LARGE1: variants seen among roughly 807,000 people sequenced by gnomAD.
LARGE1 encodes the protein xylosyl- and glucuronyltransferase LARGE1.
In LARGE1, 43 loss-of-function variants were observed where a neutral mutation model predicts 87.6. The observed-to-expected ratio is 0.49, with a 90% confidence interval of 0.38 to 0.63. The LOEUF (loss-of-function observed/expected upper bound fraction) is 0.63. LARGE1 is among the 30% of genes least tolerant of loss of function. LARGE1 has a pLI of 0.00. For synonymous variants in LARGE1, 434 were observed against 394.6 expected (o/e 1.10, Z -1.18); for missense variants, 802 against 1,000.2 (o/e 0.80, Z 2.67).
At chr22:33,127,571 C>A in the LARGE1 span, among the ~76,000 whole-genome samples, 3 of 152,184 alleles carry the variant, frequency 2.0e-5, no homozygotes, top group African/African-American at 7.2e-5. Flanking sequence ...ATCTCTAGTT[C>A]TTTCTCATAT....
intron 11 of LARGE1, among the ~76,000 whole-genome samples, chr22:33,243,041 GAC>G (rs1328783135): frequency 1.3e-5 from 2 of 152,114 alleles, no homozygotes; most frequent in Non-Finnish European, 2.9e-5. Context: ...TCTCCAGGAT[GAC>G]CTCATCTAAA....
intron 1 of LARGE1, among the ~76,000 whole-genome samples, chr22:33,779,366 A>C (rs1392972721): frequency 6.6e-6 from 1 of 151,990 alleles, no homozygotes; most frequent in Non-Finnish European, 1.5e-5. Flanking sequence ...TAGGTTAAAT[A>C]ATATGCCATA....
At chr22:33,591,824 T>C (rs367823916) in intron 5 of LARGE1, among the ~76,000 whole-genome samples, 8 of 143,288 alleles carry the variant, frequency 5.6e-5, no homozygotes, top group African/African-American at 1.0e-4. Context: ...ACGGGCAATA[T>C]AGCAAGACCC....
At chr22:33,339,893 TG>T (rs1938953113) in intron 9 of LARGE1, among the ~76,000 whole-genome samples, 1 of 152,172 alleles carries the variant, frequency 6.6e-6, no homozygotes, top group African/African-American at 2.4e-5. Flanking sequence ...CTCAAACTCC[TG>T]GGCTCAAGTG....
chr22:33,823,859 C>A (rs965509046), intron 1 of LARGE1, among the ~76,000 whole-genome samples: 2 of 152,150 alleles, frequency 1.3e-5, no homozygotes, highest in African/African-American at 4.8e-5. Flanking sequence ...GGGCACGTCT[C>A]GATACAGGGC....
chr22:33,645,336 A>C (rs2080574175), intron 3 of LARGE1, among the ~76,000 whole-genome samples: 1 of 152,258 alleles, frequency 6.6e-6, no homozygotes, highest in African/African-American at 2.4e-5. Flanking sequence ...AAAACAAGAA[A>C]TAGGGAAAGG....
Position 33,585,065 on chromosome 22 carries a change from C to T in LARGE1, c.615+19370G>A, listed in dbSNP as rs147176816. Among the ~76,000 whole-genome samples, 182 of 152,100 alleles carry T rather than the reference C, an allele frequency of 1.2e-3. 3 individuals carry two copies. The East Asian group carries it at 0.027, about 23-fold the overall frequency. ...CTGGGAGGTGGAGGTTGCAGTGAGC[C>T]GAGATCGCACCACTGCATTCCAGCC... On this transcript the variant is annotated intron_variant, in intron 5 of 14. Coordinates refer to ENST00000397394, the MANE Select transcript of LARGE1 (RefSeq NM_133642.5).
intron 6 of LARGE1, among the ~76,000 whole-genome samples, chr22:33,519,998 CTTTTTTTTT>C (rs397868082): frequency 1.9e-3 from 183 of 97,224 alleles, no homozygotes; most frequent in Middle Eastern, 7.5e-3. Context: ...TGGTTTTTCT[CTTTTTTTTT>C]TTTTTTTTTT....
At chr22:33,128,911 C>T in the LARGE1 span, among the ~76,000 whole-genome samples, 1 of 151,964 alleles carries the variant, frequency 6.6e-6, no homozygotes, top group Non-Finnish European at 1.5e-5. Flanking sequence ...CACATGGATA[C>T]AGAGAGGGGA....
intron 3 of LARGE1, among the ~76,000 whole-genome samples, chr22:33,626,774 T>C (rs577014662): frequency 6.6e-6 from 1 of 152,268 alleles, no homozygotes; most frequent in South Asian, 2.1e-4. Flanking sequence ...GTCAACCTAA[T>C]AAAAGGGCCA....
chr22:33,629,018 T>C (rs1385130533), intron 3 of LARGE1, among the ~76,000 whole-genome samples: 1 of 152,058 alleles, frequency 6.6e-6, no homozygotes, highest in Non-Finnish European at 1.5e-5. Flanking sequence ...GGGAGCAAAA[T>C]GAAGCAAAAT....
chr22:33,342,502 G>A (rs1409811190), intron 9 of LARGE1, among the ~76,000 whole-genome samples: 1 of 152,174 alleles, frequency 6.6e-6, no homozygotes, highest in Non-Finnish European at 1.5e-5. Context: ...GCTGAGACTG[G>A]AAGTCAACTC....
chr22:33,816,829 C>T (rs975468462), intron 1 of LARGE1, among the ~76,000 whole-genome samples: 13 of 152,062 alleles, frequency 8.5e-5, no homozygotes, highest in African/African-American at 2.4e-4. Context: ...CTTTTCACAA[C>T]GCAGTGTTCA....
At chr22:33,897,419 G>A (rs777601934) in intron 1 of LARGE1, among the ~76,000 whole-genome samples, 2 of 152,150 alleles carry the variant, frequency 1.3e-5, no homozygotes, top group Non-Finnish European at 2.9e-5. Flanking sequence ...GTTCCTTCCT[G>A]TGGTCCCAAA....
At chr22:33,210,303 CG>C (rs1568974990) in intron 11 of LARGE1, among the ~76,000 whole-genome samples, 2 of 152,178 alleles carry the variant, frequency 1.3e-5, no homozygotes, top group African/African-American at 2.4e-5. Flanking sequence ...GGCAGATAGA[CG>C]GGGGTGGCAC....
chr22:33,213,855 C>T (rs1200846840), intron 11 of LARGE1, among the ~76,000 whole-genome samples: 1 of 151,718 alleles, frequency 6.6e-6, no homozygotes, highest in Admixed American at 6.6e-5. Flanking sequence ...GACGGAGTCT[C>T]ACTCTGTCTG....
chr22:33,575,146 C>T (rs905447255), intron 5 of LARGE1, among the ~76,000 whole-genome samples: 1 of 152,096 alleles, frequency 6.6e-6, no homozygotes, highest in African/African-American at 2.4e-5. Context: ...CCATAGATTA[C>T]CCTCTAAGAA....
chr22:33,612,259 A>T (rs1338683380), intron 4 of LARGE1, among the ~76,000 whole-genome samples: 2 of 152,036 alleles, frequency 1.3e-5, no homozygotes, highest in African/African-American at 4.8e-5. Flanking sequence ...ACCCACCACC[A>T]TGCCCGGCTA....
chr22:33,259,331 CACA>C (rs1363658616), intron 11 of LARGE1, among the ~76,000 whole-genome samples: 1 of 148,740 alleles, frequency 6.7e-6, no homozygotes, highest in African/African-American at 2.6e-5. Flanking sequence ...CACACACACA[CACA>C]CACACACACA....
Sources: allele counts gnomAD v4.1 joint callset (sites outside exome capture counted in the v4.1 genomes callset), GRCh38; gene constraint gnomAD v4.1.1; transcripts MANE v1.5; gene names NCBI Gene and HGNC (gene_info 2026-07-23, HGNC 2026-07-21).